The following DHTKD1 variants were observed in gnomAD, a reference collection of about 807,000 sequenced individuals.
DHTKD1 encodes the protein dehydrogenase E1 and transketolase domain containing 1, also known as 2-oxoadipate dehydrogenase complex component E1.
A neutral mutation model predicts 101.8 loss-of-function variants in DHTKD1; 78 were observed. That is an observed-to-expected ratio of 0.77 (90% CI 0.64 to 0.93). DHTKD1 has a LOEUF of 0.93. Ranked by LOEUF, DHTKD1 falls within the 40% of genes least tolerant of loss-of-function variation. DHTKD1 has a pLI of 0.00. For missense variants in DHTKD1, 1,223 were observed against 1,161.7 expected, an observed-to-expected ratio of 1.05 and a Z score of -0.77; for synonymous variants, 462 against 450.3, an observed-to-expected ratio of 1.03 and a Z score of -0.33.
In DHTKD1 at chr10:12,092,930, T is replaced by C. The variant is rs577028381; in HGVS notation, c.1160-1143T>C. Among the ~76,000 whole-genome samples, 6 of 152,160 alleles carry C rather than the reference T, an allele frequency of 3.9e-5. No homozygotes were observed. In the South Asian group the frequency reaches 1.2e-3, roughly 32 times the overall value. ...TCTTGCTCTGTTACTCAGACTGGAGTGCAGTGGTACAATCATGGCTCACTG... is the reference window on the plus strand; with the variant it reads ...TCTTGCTCTGTTACTCAGACTGGAGCGCAGTGGTACAATCATGGCTCACTG... On this transcript the variant is annotated intron_variant, in intron 6 of 16. Coordinates refer to ENST00000263035, the MANE Select transcript of DHTKD1 (RefSeq NM_018706.7).
chr10:12,118,839 C>T lies in DHTKD1; in HGVS notation c.2493C>T (p.Ala831=). The T allele has an allele frequency of 6.2e-7, 1 of 1,608,804 alleles. No homozygotes were observed. Among genetic ancestry groups the T allele is most frequent in the Non-Finnish European group, 8.5e-7 (1 of 1,177,958 alleles). The change falls in exon 15 of 17, where the codon GCC becomes GCT. Residue 831 remains alanine (A), a synonymous_variant. Coordinates refer to ENST00000263035, the MANE Select transcript of DHTKD1 (RefSeq NM_018706.7). ...ESLGAKKHDF[A]IIRVEELCPF... ...TGGGGGCCAAGAAGCATGACTTTGCCATCATCCGAGTAGAGGAACTCTGCC... is the reference window on the plus strand; with the variant it reads ...TGGGGGCCAAGAAGCATGACTTTGCTATCATCCGAGTAGAGGAACTCTGCC...
chr10:12,106,500 C>T lies in DHTKD1; in HGVS notation c.2047+104C>T, dbSNP rs1216029665. The T allele has an allele frequency of 1.9e-5, 27 of 1,439,406 alleles. 1 individual carries two copies. Among genetic ancestry groups the T allele is most frequent in the South Asian group, 6.0e-5 (5 of 83,786 alleles). The allele number at this position is 1,439,406 out of a possible 1,614,324, so 89.2% of individuals were successfully genotyped here. A position where few individuals can be genotyped will look rare whatever the true frequency, so the allele number is the denominator to read the frequency against. The stretch of plus-strand genomic sequence containing the variant: ...GGGGCCACTGCTGCCTTGAGACTCC[C>T]GTGTGCGGCGGCGCCTCCAGGGAGT... On this transcript the variant is annotated intron_variant, in intron 11 of 16. Transcript: ENST00000263035.
At chr10:12,100,943 A>C in intron 9 of DHTKD1, 99 bp from the exon 10 acceptor site, 1 of 1,230,098 alleles carries the variant, frequency 8.1e-7, no homozygotes, top group South Asian at 1.4e-5. Flanking sequence ...CCTAAGGAAA[A>C]TTCTCAGGAT....
chr10:12,119,594 C>A (rs111685164), intron 15 of DHTKD1, among the ~76,000 whole-genome samples: 6 of 127,806 alleles, frequency 4.7e-5, no homozygotes, highest in South Asian at 2.3e-4. Context: ...CCAGCCTGGG[C>A]GACAGAGCGA....
In DHTKD1 at chr10:12,120,227, C is replaced by A. The variant is rs1474587641; in HGVS notation, c.2618C>A (p.Ser873Ter). The change falls in exon 16 of 17, where the codon TCG becomes TAG. Residue 873 changes from serine to a stop codon, truncating the protein, a stop_gained. Coordinates refer to ENST00000263035, the MANE Select transcript of DHTKD1 (RefSeq NM_018706.7). LOFTEE classifies it high-confidence loss of function. ...QEEPQNMGPWSFVSPRFEKQL... is the reference protein window; with the variant it reads ...QEEPQNMGPW ...GAACCTCAGAACATGGGTCCGTGGTCGTTTGTTTCTCCAAGGTTTGAAAAG... is the reference window on the plus strand; with the variant it reads ...GAACCTCAGAACATGGGTCCGTGGTAGTTTGTTTCTCCAAGGTTTGAAAAG... 1 of 1,613,822 alleles carries A rather than the reference C, an allele frequency of 6.2e-7. No homozygotes were observed. Among genetic ancestry groups the A allele is most frequent in the South Asian group, 1.1e-5 (1 of 91,032 alleles).
At chr10:12,114,859 G>GCC in intron 13 of DHTKD1, among the ~76,000 whole-genome samples, 1 of 150,840 alleles carries the variant, frequency 6.6e-6, no homozygotes, top group Non-Finnish European at 1.5e-5. Context: ...GCAGTGCTGC[G>GCC]ATCTCGGCTC....
intron 13 of DHTKD1, among the ~76,000 whole-genome samples, chr10:12,116,682 C>T (rs1034812438): frequency 1.1e-4 from 16 of 151,772 alleles, no homozygotes; most frequent in African/African-American, 2.2e-4. Flanking sequence ...TGAGCCACCG[C>T]GCCCAGTCTT....
intron 4 of DHTKD1, among the ~76,000 whole-genome samples, chr10:12,088,512 T>C (rs1251357441): frequency 1.3e-5 from 2 of 151,992 alleles, no homozygotes; most frequent in African/African-American, 4.8e-5. Context: ...ATATGAGCAG[T>C]TGGTCCAGGA....
At chr10:12,106,451 C>A (rs983702610) in intron 11 of DHTKD1, 55 bp downstream of exon 11, 2 of 1,600,204 alleles carry the variant, frequency 1.2e-6, no homozygotes, top group Non-Finnish European at 1.7e-6. Flanking sequence ...TGGCCCCAGC[C>A]TCGTGGGGAC....
In DHTKD1 at chr10:12,069,188, G is replaced by A. The variant is rs774682504; in HGVS notation, c.154+1G>A. Reference sequence around the variant, plus strand: ...CAGGGCGCCCTGGAGCGCCCCCCAGGTCGGGGATGGGGCCCGGGCGGTGGG... The same window carrying A: ...CAGGGCGCCCTGGAGCGCCCCCCAGATCGGGGATGGGGCCCGGGCGGTGGG... On this transcript the variant is annotated splice_donor_variant, in intron 1 of 16. Coordinates refer to ENST00000263035, the MANE Select transcript of DHTKD1 (RefSeq NM_018706.7). LOFTEE classifies it high-confidence loss of function. The A allele has an allele frequency of 6.5e-7, 1 of 1,545,426 alleles. No individual in the cohort carries two copies. Among genetic ancestry groups the A allele is most frequent in the South Asian group, 1.2e-5 (1 of 84,098 alleles).
chr10:12,118,829 A>G lies in DHTKD1; in HGVS notation c.2483A>G (p.His828Arg), dbSNP rs778692499. 1.2e-6 allele frequency: 2 copies of G among 1,609,092 alleles called. No homozygotes were observed. Among genetic ancestry groups the G allele is most frequent in the Non-Finnish European group, 8.5e-7 (1 of 1,178,078 alleles). ...AGAGAATCTCTGGGGGCCAAGAAGC[A>G]TGACTTTGCCATCATCCGAGTAGAG... ...KQRESLGAKK[H>R]DFAIIRVEEL... The change falls in exon 15 of 17, where the codon CAT becomes CGT. Residue 828 changes from histidine (H) to arginine (R), a missense_variant. His to Arg is a conservative substitution (Grantham distance 29). Transcript: ENST00000263035.
At chr10:12,081,144 C>CA (rs1832809786) in intron 1 of DHTKD1, among the ~76,000 whole-genome samples, 1 of 151,530 alleles carries the variant, frequency 6.6e-6, no homozygotes, top group Non-Finnish European at 1.5e-5. Context: ...ACTAAAAATA[C>CA]AAAAAAATTA....
intron 13 of DHTKD1, among the ~76,000 whole-genome samples, chr10:12,114,034 CTT>C (rs59823196): frequency 1.0e-3 from 136 of 129,894 alleles, no homozygotes; most frequent in South Asian, 1.6e-3. Flanking sequence ...ATTTGTCATT[CTT>C]TTTTTTTTTT....
intron 7 of DHTKD1, among the ~76,000 whole-genome samples, chr10:12,095,827 AAAAAAAG>A (rs1405871454): frequency 1.9e-4 from 26 of 138,408 alleles, no homozygotes; most frequent in East Asian, 4.0e-4. Context: ...AAAAAAAAAA[AAAAAAAG>A]AAAAGAAAAG....
chr10:12,091,758 G>A, intron 6 of DHTKD1, 74 bp downstream of exon 6: 2 of 1,275,178 alleles, frequency 1.6e-6, no homozygotes, highest in Non-Finnish European at 2.2e-6. Context: ...GGTGCACACA[G>A]AACAATGAGC....
rs138526346 is a variant in DHTKD1, at chr10:12,081,551, C to T, written c.234C>T (p.Thr78=). 2.9e-4 allele frequency: 467 copies of T among 1,614,128 alleles called. 1 individual carries two copies. In the African/African-American group the frequency reaches 4.3e-3, roughly 15 times the overall value. ...HKAAKINPLF[T]GQALLENVPE... ...CTGCCAAAATCAACCCCCTCTTCAC[C>T]GGACAAGCCCTGCTGGAGAATGTGC... The change falls in exon 2 of 17, where the codon ACC becomes ACT. Residue 78 remains threonine, a synonymous_variant. Transcript: ENST00000263035.
At chr10:12,080,819 TTCTTTGAGAGGCCAAGATGAG>T (rs1217103750) in intron 1 of DHTKD1, among the ~76,000 whole-genome samples, 10 of 152,036 alleles carry the variant, frequency 6.6e-5, no homozygotes, top group African/African-American at 2.4e-4. Flanking sequence ...TTTCTTGGCC[TTCTTTGAGAGGCCAAGATGAG>T]TGAATCGCTT....
At chr10:12,111,380 G>A (rs1290581077) in intron 12 of DHTKD1, among the ~76,000 whole-genome samples, 1 of 152,164 alleles carries the variant, frequency 6.6e-6, no homozygotes, top group Non-Finnish European at 1.5e-5. Context: ...TGACCAGGCT[G>A]CTCTTGAACC....
chr10:12,117,581 C>G, intron 13 of DHTKD1, 92 bp from the exon 14 acceptor site: 1 of 791,406 alleles, frequency 1.3e-6, no homozygotes, highest in Non-Finnish European at 2.2e-6. Context: ...TAGGCTAGAA[C>G]TTTGGTACTC....
Sources: allele counts gnomAD v4.1 joint callset (sites outside exome capture counted in the v4.1 genomes callset), GRCh38; gene constraint gnomAD v4.1.1; transcripts MANE v1.5; gene names NCBI Gene and HGNC (gene_info 2026-07-23, HGNC 2026-07-21).